Variants in ADGRB3 observed in about 807,000 individuals in gnomAD.
The protein encoded by ADGRB3 is adhesion G protein-coupled receptor B3.
In ADGRB3, 37 loss-of-function variants were observed where a neutral mutation model predicts 193.4. That is an observed-to-expected ratio of 0.19 (90% CI 0.15 to 0.25). The LOEUF (loss-of-function observed/expected upper bound fraction) is 0.25, where lower values mean the gene tolerates loss of function less well. ADGRB3 is among the 10% of genes least tolerant of loss of function. The pLI is 1.00. For synonymous variants in ADGRB3, 690 were observed against 644.2 expected, an observed-to-expected ratio of 1.07 and a Z score of -1.08; for missense variants, 1,637 against 1,852.9, an observed-to-expected ratio of 0.88 and a Z score of 2.14.
chr6:68,968,259 A>C (rs965390891), intron 8 of ADGRB3, among the ~76,000 whole-genome samples: 1 of 152,288 alleles, frequency 6.6e-6, no homozygotes. Flanking sequence ...CTAGTGGCTA[A>C]GGTTTGCAAT....
intron 4 of ADGRB3, among the ~76,000 whole-genome samples, chr6:68,934,988 GT>G (rs1767445414): frequency 1.3e-5 from 2 of 152,128 alleles, no homozygotes; most frequent in South Asian, 4.1e-4. Flanking sequence ...GATGTAATCT[GT>G]CATCCCAGTT....
intron 8 of ADGRB3, among the ~76,000 whole-genome samples, chr6:68,969,556 G>A (rs1168346511): frequency 6.6e-6 from 1 of 152,120 alleles, no homozygotes; most frequent in African/African-American, 2.4e-5. Context: ...GCAGAAAATT[G>A]TGGGATTAAA....
intron 3 of ADGRB3, among the ~76,000 whole-genome samples, chr6:68,907,287 T>C (rs1402486268): frequency 1.3e-5 from 2 of 152,006 alleles, no homozygotes; most frequent in Non-Finnish European, 2.9e-5. Context: ...ATGAAATTAT[T>C]AATTCTACTG....
chr6:68,728,429 A>G (rs917778994), intron 3 of ADGRB3, among the ~76,000 whole-genome samples: 4 of 151,532 alleles, frequency 2.6e-5, no homozygotes, highest in African/African-American at 9.7e-5. Flanking sequence ...TTTTTGAAAT[A>G]GCGAAGGAAT....
chr6:68,944,200 T>G (rs1767712395), intron 6 of ADGRB3, among the ~76,000 whole-genome samples: 1 of 152,166 alleles, frequency 6.6e-6, no homozygotes, highest in African/African-American at 2.4e-5. Flanking sequence ...TCAATCAACA[T>G]TTACCTTTAT....
chr6:69,057,331 A>G (rs1475521370), intron 15 of ADGRB3, among the ~76,000 whole-genome samples: 1 of 152,094 alleles, frequency 6.6e-6, no homozygotes, highest in Non-Finnish European at 1.5e-5. Context: ...TACTACATAT[A>G]AAGTCATGTC....
chr6:69,140,705 T>G (rs897565462), intron 17 of ADGRB3, among the ~76,000 whole-genome samples: 1 of 152,182 alleles, frequency 6.6e-6, no homozygotes, highest in African/African-American at 2.4e-5. Context: ...GGATACCCCA[T>G]CTACCCTAAT....
intron 11 of ADGRB3, 128 bp from the exon 12 acceptor site, chr6:69,013,908 CTA>C (rs1770014595): frequency 2.1e-6 from 1 of 481,132 alleles, no homozygotes; most frequent in African/African-American, 2.0e-5. Context: ...TTCTAGAATA[CTA>C]TGTTAGGGTC....
intron 12 of ADGRB3, among the ~76,000 whole-genome samples, chr6:69,016,354 T>C (rs1456581767): frequency 1.3e-5 from 2 of 151,884 alleles, no homozygotes; most frequent in East Asian, 3.9e-4. Flanking sequence ...AACCAGAATG[T>C]AATGTGCATC....
At position 69,327,843 on chromosome 6, in the gene ADGRB3, A is replaced by G; in HGVS notation, c.2989A>G (p.Thr997Ala). 6.2e-7 allele frequency: 1 copy of G among 1,610,336 alleles called. No homozygotes were observed. Among genetic ancestry groups the G allele is most frequent in the East Asian group, 2.2e-5 (1 of 44,822 alleles). The change falls in exon 22 of 32, where the codon ACA becomes GCA. Residue 997 changes from threonine to alanine, a missense_variant. This residue lies in a region of ADGRB3 where 87 missense variants were observed against 161.0 expected (regional missense o/e 0.54). Transcript: ENST00000370598. ...GWGLPALVVA[T>A]SVGFTRTKGY... ...AGGTTTACCAGCATTAGTAGTGGCC[A>G]CATCAGTAGGCTTCACCAGAACAAA...
rs181564422 is a variant in ADGRB3 at position 69,064,977 on chromosome 6, A to G, written c.2436+1941A>G. Among the ~76,000 whole-genome samples the G allele has an allele frequency of 8.5e-5, 13 of 152,258 alleles. No individual in the cohort carries two copies. The East Asian group carries it at 2.5e-3, about 29-fold the overall frequency. On this transcript the variant is annotated intron_variant, in intron 16 of 31. Coordinates refer to ENST00000370598, the MANE Select transcript of ADGRB3 (RefSeq NM_001704.3). Reference sequence around the variant, plus strand: ...CAGAAGATATAAACCATGTACTAAAAATATTTTCTACATATGGAAAACAAA... The same window carrying G: ...CAGAAGATATAAACCATGTACTAAAGATATTTTCTACATATGGAAAACAAA...
chr6:69,026,420 C>T (rs560670368), intron 13 of ADGRB3, among the ~76,000 whole-genome samples: 5 of 152,086 alleles, frequency 3.3e-5, no homozygotes, highest in Non-Finnish European at 5.9e-5. Flanking sequence ...CATGATTCAC[C>T]CATGTGCTTC....
At chr6:69,067,338 A>G (rs1771939533) in intron 16 of ADGRB3, among the ~76,000 whole-genome samples, 1 of 152,178 alleles carries the variant, frequency 6.6e-6, no homozygotes, top group Non-Finnish European at 1.5e-5. Context: ...AAGCTAACAA[A>G]TTAAGAAATT....
intron 20 of ADGRB3, among the ~76,000 whole-genome samples, chr6:69,245,313 A>G (rs1405651420): frequency 1.3e-5 from 2 of 152,084 alleles, no homozygotes; most frequent in Non-Finnish European, 2.9e-5. Flanking sequence ...TGTAACATTT[A>G]TTGTTGTCTC....
intron 20 of ADGRB3, among the ~76,000 whole-genome samples, chr6:69,251,685 A>G (rs947764910): frequency 1.3e-5 from 2 of 152,206 alleles, no homozygotes; most frequent in South Asian, 2.1e-4. Flanking sequence ...GACATACAAC[A>G]TAGTGTTTTG....
intron 3 of ADGRB3, among the ~76,000 whole-genome samples, chr6:68,920,833 C>G (rs758031763): frequency 6.6e-6 from 1 of 151,800 alleles, no homozygotes; most frequent in Non-Finnish European, 1.5e-5. Context: ...TATTAAAGCA[C>G]AATGTACAAA....
intron 28 of ADGRB3, among the ~76,000 whole-genome samples, chr6:69,358,083 T>C (rs150042279): frequency 6.6e-6 from 1 of 152,076 alleles, no homozygotes; most frequent in African/African-American, 2.4e-5. Context: ...CAGCCTCATT[T>C]GGTGTACTCA....
intron 3 of ADGRB3, among the ~76,000 whole-genome samples, chr6:68,748,298 C>G (rs1203895642): frequency 6.6e-6 from 1 of 152,174 alleles, no homozygotes; most frequent in African/African-American, 2.4e-5. Flanking sequence ...TCATCTGAGA[C>G]AAGGCAAGTC....
At chr6:68,911,013 T>A (rs933400539) in intron 3 of ADGRB3, among the ~76,000 whole-genome samples, 1 of 151,962 alleles carries the variant, frequency 6.6e-6, no homozygotes, top group Non-Finnish European at 1.5e-5. Flanking sequence ...GCCATTTTCA[T>A]GATATTGATT....
Sources: allele counts gnomAD v4.1 joint callset (sites outside exome capture counted in the v4.1 genomes callset), GRCh38; gene constraint gnomAD v4.1.1; regional missense constraint gnomAD v4.1.1; transcripts MANE v1.5; gene names NCBI Gene and HGNC (gene_info 2026-07-23, HGNC 2026-07-21).